AP3D1: variants seen among roughly 807,000 people sequenced by gnomAD.
AP3D1 encodes AP-3 complex subunit delta-1.
In AP3D1, 51 loss-of-function variants were observed where a neutral mutation model predicts 147.6. The ratio of observed to expected loss-of-function variants is 0.35; its 90% CI spans 0.28 to 0.44. The LOEUF is 0.44. Ranked by LOEUF, AP3D1 falls within the 20% of genes least tolerant of loss-of-function variation. The pLI is 1.00. For missense variants in AP3D1, 1,421 were observed against 1,624.2 expected, an observed-to-expected ratio of 0.87 and a Z score of 2.15; for synonymous variants, 760 against 663.0, an observed-to-expected ratio of 1.15 and a Z score of -2.25.
intron 29 of AP3D1, 100 bp downstream of exon 29, chr19:2,109,773 G>C (rs528800369): frequency 8.6e-7 from 1 of 1,165,466 alleles, no homozygotes; most frequent in South Asian, 1.2e-5. Flanking sequence ...CGTCTCTAAA[G>C]TCCTGCCCAG....
intron 6 of AP3D1, 34 bp from the exon 7 acceptor site, chr19:2,129,491 T>G: frequency 3.1e-6 from 5 of 1,596,818 alleles, no homozygotes; most frequent in Non-Finnish European, 4.3e-6. Flanking sequence ...AGCATGCCTG[T>G]CCTTCCACCT....
chr19:2,164,378 A>T (rs2019827197), exon 1 of AP3D1: 9 of 640,474 alleles, frequency 1.4e-5, no homozygotes, highest in African/African-American at 3.9e-5. Context: ...CGGAACGGAG[A>T]CCCTGGACTC....
At chr19:2,132,056 A>G (rs574033116) in intron 5 of AP3D1, among the ~76,000 whole-genome samples, 4 of 152,270 alleles carry the variant, frequency 2.6e-5, no homozygotes, top group Non-Finnish European at 2.9e-5. Flanking sequence ...GGGGCTTCCC[A>G]GGTTTTAGAC....
intron 1 of AP3D1, among the ~76,000 whole-genome samples, chr19:2,161,164 T>G (rs1349841290): frequency 7.0e-6 from 1 of 142,762 alleles, no homozygotes; most frequent in Non-Finnish European, 1.5e-5. Context: ...AGTTTTTTTT[T>G]TTTTTTTTTT....
intron 1 of AP3D1, 106 bp downstream of exon 1, chr19:2,151,133 G>T (rs1466638063): frequency 1.0e-5 from 12 of 1,143,980 alleles, no homozygotes; most frequent in Non-Finnish European, 1.2e-5. Flanking sequence ...CTCCAACTAA[G>T]ACAGAGCCCG....
In AP3D1 at chr19:2,101,044, A is replaced by G. The variant is rs1487654969; in HGVS notation, c.*1129T>C. ...CATCTTGACACAAAATCATGACAGC[A>G]GCGTGATATGTCTCTCTCTTTATAC... On this transcript the variant is annotated 3_prime_UTR_variant, in exon 32 of 32. Transcript: ENST00000643116. 1 of 152,526 alleles carries G rather than the reference A, an allele frequency of 6.6e-6. No individual in the cohort carries two copies. Among genetic ancestry groups the G allele is most frequent in the Non-Finnish European group, 1.5e-5 (1 of 68,030 alleles). The allele number at this position is 152,526 out of a possible 1,614,324, so 9.4% of individuals were successfully genotyped here. A position where few individuals can be genotyped will look rare whatever the true frequency, so the allele number is the denominator to read the frequency against.
At chr19:2,117,639 C>T (rs989838616) in intron 15 of AP3D1, among the ~76,000 whole-genome samples, 2 of 152,248 alleles carry the variant, frequency 1.3e-5, no homozygotes, top group African/African-American at 2.4e-5. Context: ...AGGTCAGTGC[C>T]CCGACACCAG....
At position 2,109,055 on chromosome 19, in the gene AP3D1, G is replaced by A. The variant is rs779794299; in HGVS notation, c.3472+31C>T. ...CAGCTGCCGCGTGCGTGAAAGCCCCGTGCAATCCATCAGCCCCTCACTCTC... is the reference window on the plus strand; with the variant it reads ...CAGCTGCCGCGTGCGTGAAAGCCCCATGCAATCCATCAGCCCCTCACTCTC... On this transcript the variant is annotated intron_variant, in intron 30 of 31. Transcript: ENST00000643116. 3.3e-5 allele frequency: 53 copies of A among 1,605,004 alleles called. 1 individual carries two copies. Among genetic ancestry groups the A allele is most frequent in the South Asian group, 2.9e-4 (26 of 89,756 alleles).
At chr19:2,157,664 C>G (rs915629284) in intron 1 of AP3D1, among the ~76,000 whole-genome samples, 1 of 129,540 alleles carries the variant, frequency 7.7e-6, no homozygotes, top group Non-Finnish European at 1.6e-5. Flanking sequence ...TTGAAAAAAA[C>G]AAACATCCAC....
chr19:2,133,353 G>T (rs540201710), intron 4 of AP3D1: 5 of 152,330 alleles, frequency 3.3e-5, no homozygotes, highest in African/African-American at 1.2e-4. Flanking sequence ...CCCAGCTCCT[G>T]TGTCAGCACT....
chr19:2,127,600 C>T (rs747718821), intron 8 of AP3D1, among the ~76,000 whole-genome samples: 1 of 152,256 alleles, frequency 6.6e-6, no homozygotes, highest in African/African-American at 2.4e-5. Context: ...CCTCGGCTCA[C>T]TGCGACCTCC....
At chr19:2,140,238 G>A (rs1032766280) in intron 1 of AP3D1, among the ~76,000 whole-genome samples, 16 of 152,138 alleles carry the variant, frequency 1.1e-4, no homozygotes, top group African/African-American at 3.6e-4. Flanking sequence ...GTCAAACGGC[G>A]CGGCTGCTGT....
chr19:2,132,667 C>A, intron 4 of AP3D1, 89 bp from the exon 5 acceptor site: 1 of 1,116,668 alleles, frequency 9.0e-7, no homozygotes, highest in South Asian at 1.3e-5. Flanking sequence ...GAGCGAAATT[C>A]TCCCAGGATG....
intron 31 of AP3D1, among the ~76,000 whole-genome samples, chr19:2,107,489 C>G (rs1366119833): frequency 6.6e-6 from 1 of 151,836 alleles, no homozygotes; most frequent in Admixed American, 6.6e-5. Context: ...GCCTGTAATC[C>G]TAGCACTTTG....
rs895259760 is a variant in AP3D1, at chr19:2,116,542, T to G, written c.2001+63A>C. 13 of 1,484,044 alleles carry G rather than the reference T, an allele frequency of 8.8e-6. No homozygotes were observed. The African/African-American group carries it at 1.8e-4, about 21-fold the overall frequency. The allele number at this position is 1,484,044 out of a possible 1,614,324, so 91.9% of individuals were successfully genotyped here. On this transcript the variant is annotated intron_variant, in intron 17 of 31. Transcript: ENST00000643116. ...GACCCACAGAGGCCGCTGACCTGCC[T>G]CAAAGACTCCCTGGGACAGGAGGGA...
chr19:2,107,739 C>CAA (rs1268434677), intron 31 of AP3D1, among the ~76,000 whole-genome samples: 3,198 of 86,428 alleles, frequency 0.037, 134 homozygotes, highest in African/African-American at 0.12. Context: ...GACTCCGTCT[C>CAA]AAAAAAAAAA....
chr19:2,111,330 A>G lies in AP3D1; in HGVS notation c.2940T>C (p.Pro980=). ...CAGCGAGGAGGGAGTAGCTGGACTC[A>G]GGCTGGAAATAGAAAAGGCGCATCA... ...NGAPEEEQLP[P]ESSYSLLAEN... Residue 980 remains proline (P), a splice_region_variant and synonymous_variant, in exon 26 of 32, where the codon CCT becomes CCC. Transcript: ENST00000643116. The G allele has an allele frequency of 6.2e-7, 1 of 1,613,958 alleles. No homozygotes were observed. Among genetic ancestry groups the G allele is most frequent in the Non-Finnish European group, 8.5e-7 (1 of 1,180,012 alleles).
chr19:2,129,279 A>C (rs1351917349), intron 7 of AP3D1, 39 bp downstream of exon 7: 1 of 1,607,688 alleles, frequency 6.2e-7, no homozygotes, highest in East Asian at 2.2e-5. Flanking sequence ...GGAATGCCCC[A>C]CACAGGGTGA....
At chr19:2,163,916 C>T (rs1034626279) in intron 1 of AP3D1, among the ~76,000 whole-genome samples, 5 of 149,746 alleles carry the variant, frequency 3.3e-5, no homozygotes, top group Admixed American at 3.3e-4. Context: ...CGAGTGGTTC[C>T]GCCCGGCCCC....
Sources: allele counts gnomAD v4.1 joint callset (sites outside exome capture counted in the v4.1 genomes callset), GRCh38; gene constraint gnomAD v4.1.1; transcripts MANE v1.5; gene names NCBI Gene and HGNC (gene_info 2026-07-23, HGNC 2026-07-21).